Variants in FOXD4L1 observed in about 807,000 individuals in gnomAD.
The protein encoded by FOXD4L1 is forkhead box D4 like 1.
FOXD4L1 carries 10 observed loss-of-function variants against 24.8 expected under a neutral mutation model. The ratio of observed to expected loss-of-function variants is 0.40; its 90% confidence interval spans 0.25 to 0.68. The LOEUF is 0.68. Ranked by LOEUF, FOXD4L1 falls within the 30% of genes least tolerant of loss-of-function variation. FOXD4L1 has a pLI of 0.37. For missense variants in FOXD4L1, 364 were observed against 572.4 expected (o/e 0.64, Z 3.72); for synonymous variants, 159 against 256.4 (o/e 0.62, Z 3.63).
exon 1 of FOXD4L1, chr2:113,499,253 C>G (rs1173208153): frequency 1.2e-6 from 2 of 1,611,670 alleles, no homozygotes; most frequent in Non-Finnish European, 8.5e-7. Flanking sequence ...GCACCTGCTC[C>G]GCCATGAACC....
rs1558990945 is a variant in FOXD4L1, at chr2:113,499,699, T to TC, written c.447dup (p.Ala150ArgfsTer51). On this transcript the variant is annotated frameshift_variant, in exon 1 of 1. Transcript: ENST00000306507. LOFTEE classifies it high-confidence loss of function. Reference sequence around the variant, plus strand: ...CGCTTCCCCTACTACCGCCGCAAGTTCCCCGCCTGGCAGAACAGCATCCGC... The same window carrying TC: ...CGCTTCCCCTACTACCGCCGCAAGTTCCCCCGCCTGGCAGAACAGCATCCGC... 3 of 1,607,364 alleles carry TC rather than the reference T, an allele frequency of 1.9e-6. No individual in the cohort carries two copies. The highest frequency in any genetic ancestry group is 1.4e-5 in the African/African-American group (1 of 73,634).
chr2:113,499,820 G>T (rs1464638168), exon 1 of FOXD4L1: 1 of 1,552,054 alleles, frequency 6.4e-7, no homozygotes, highest in African/African-American at 1.4e-5. Context: ...CCGCCTCCCA[G>T]GACATGTTCG....
At chr2:113,500,538 A>G (rs181212185) in exon 1 of FOXD4L1, 1 of 1,507,020 alleles carries the variant, frequency 6.6e-7, no homozygotes, top group Admixed American at 2.1e-5. Flanking sequence ...CAGTTTTTTT[A>G]GTATCGCCCA....
chr2:113,499,131 ACATCCCAAAGGGTAAC>A, exon 1 of FOXD4L1: 1 of 1,518,430 alleles, frequency 6.6e-7, no homozygotes, highest in South Asian at 1.2e-5. Context: ...GCAGAGGAAA[ACATCCCAAAGGGTAAC>A]CACTAGCGTT....
chr2:113,499,955 C>T (rs1366316997), exon 1 of FOXD4L1: 6 of 1,539,710 alleles, frequency 3.9e-6, no homozygotes, highest in Non-Finnish European at 5.3e-6. Context: ...CCCGCCCAGG[C>T]CCTCTGCTTG....
At chr2:113,499,259 G>A (rs1311720227) in exon 1 of FOXD4L1, 1 of 1,611,070 alleles carries the variant, frequency 6.2e-7, no homozygotes, top group Non-Finnish European at 8.5e-7. Flanking sequence ...GCTCCGCCAT[G>A]AACCTGCCAA....
chr2:113,500,164 G>A lies in FOXD4L1; in HGVS notation c.908G>A (p.Gly303Asp), dbSNP rs199811333. 47 of 1,532,106 alleles carry A rather than the reference G, an allele frequency of 3.1e-5. 10 individuals are homozygous for A. Among genetic ancestry groups the A allele is most frequent in the Non-Finnish European group, 4.0e-5 (46 of 1,138,450 alleles). The allele number at this position is 1,532,106 out of a possible 1,614,324, so 94.9% of individuals were successfully genotyped here. The change falls in exon 1 of 1, where the codon GGT becomes GAT. Residue 303 changes from glycine to aspartate, a missense_variant. By Grantham distance (94) the Gly-to-Asp change is moderately conservative. Transcript: ENST00000306507. ...CTTCCCGTGCTGCAGCCCTCACTTG[G>A]TCCTCAGCCTTGGGAGGAGGGCAAG...
rs146797201 is a variant in FOXD4L1 at position 113,499,425 on chromosome 2, C to G, written c.169C>G (p.Pro57Ala). ...GAAGTTCCTAGAGCAGTCGCTCCAG[C>G]CGGGGCTGCAGGTGGCCCGGTGGGG... The change falls in exon 1 of 1, where the codon CCG (proline) becomes GCG (alanine). Residue 57 changes from proline (P) to alanine (A), a missense_variant. Transcript: ENST00000306507. The G allele has an allele frequency of 1.8e-4, 283 of 1,604,636 alleles. 5 individuals carry two copies. The highest frequency in any genetic ancestry group is 2.3e-4 in the Non-Finnish European group (274 of 1,177,410).
At chr2:113,499,228 T>C in exon 1 of FOXD4L1, 1 of 1,611,572 alleles carries the variant, frequency 6.2e-7, no homozygotes, top group Non-Finnish European at 8.5e-7. Flanking sequence ...GGCCGCCACA[T>C]CCCCTGCGAC....
At chr2:113,499,127 G>A (rs1682387936) in exon 1 of FOXD4L1, 8 of 1,515,274 alleles carry the variant, frequency 5.3e-6, no homozygotes, top group Admixed American at 1.9e-5. Context: ...ACAAGCAGAG[G>A]AAAACATCCC....
exon 1 of FOXD4L1, chr2:113,499,736 G>T: frequency 1.9e-6 from 3 of 1,605,522 alleles, no homozygotes; most frequent in Non-Finnish European, 2.5e-6. Flanking sequence ...ACAACCTCTC[G>T]CTGAACGACT....
In FOXD4L1 at chr2:113,500,383, T is replaced by C. The variant is rs1682421383; in HGVS notation, c.1127T>C (p.Leu376Pro). 3 of 1,519,568 alleles carry C rather than the reference T, an allele frequency of 2.0e-6. 1 individual carries two copies. The East Asian group carries it at 9.1e-5, about 46-fold the overall frequency. The allele number at this position is 1,519,568 out of a possible 1,614,324, so 94.1% of individuals were successfully genotyped here. Residue 376 changes from leucine to proline, a missense_variant, in exon 1 of 1, where the codon CTG (leucine) becomes CCG (proline). By Grantham distance (98) the Leu-to-Pro change is moderately conservative. Transcript: ENST00000306507. ...ACAGCAGCAGCATCAGGAGGAGGAC[T>C]GCGCCAACGGCTGCGCTCCCACCAA...
chr2:113,499,429 G>T lies in FOXD4L1; in HGVS notation c.173G>T (p.Gly58Val), dbSNP rs759536797. 10 of 1,601,980 alleles carry T rather than the reference G, an allele frequency of 6.2e-6. No homozygotes were observed. The South Asian group carries it at 1.0e-4, about 16-fold the overall frequency. ...TTCCTAGAGCAGTCGCTCCAGCCGG[G>T]GCTGCAGGTGGCCCGGTGGGGCGGG... The change falls in exon 1 of 1, where the codon GGG (glycine) becomes GTG (valine). Residue 58 changes from glycine (G) to valine (V), a missense_variant. Coordinates refer to ENST00000306507, the Ensembl canonical transcript of FOXD4L1.
At chr2:113,499,571 G>A (rs972185837) in exon 1 of FOXD4L1, 2 of 1,609,338 alleles carry the variant, frequency 1.2e-6, no homozygotes, top group Admixed American at 1.7e-5. Context: ...CCCGGCAGCC[G>A]GCAAAGCCCC....
Position 113,500,615 on chromosome 2 carries a change from A to T in FOXD4L1, c.*132A>T, listed in dbSNP as rs972095970. 103 of 1,457,890 alleles carry T rather than the reference A, an allele frequency of 7.1e-5. 15 individuals carry two copies. The highest frequency in any genetic ancestry group is 2.5e-4 in the Middle Eastern group (1 of 4,056). 90.3% of individuals were successfully genotyped at this position (1,457,890 alleles called of 1,614,324 possible). On this transcript the variant is annotated 3_prime_UTR_variant, in exon 1 of 1. Transcript: ENST00000306507. The stretch of plus-strand genomic sequence containing the variant: ...CAGGTGGGAGTGGGGAGCGATCCGC[A>T]GCTGCTCACTCCACCTTGCGCGGCC...
chr2:113,500,642 A>G lies in FOXD4L1; in HGVS notation c.*159A>G, dbSNP rs533313512. On this transcript the variant is annotated 3_prime_UTR_variant, in exon 1 of 1. Coordinates refer to ENST00000306507, the Ensembl canonical transcript of FOXD4L1. Reference sequence around the variant, plus strand: ...CTGCTCACTCCACCTTGCGCGGCCCATACTGGGCGTGTGCATCTGAATCCT... The same window carrying G: ...CTGCTCACTCCACCTTGCGCGGCCCGTACTGGGCGTGTGCATCTGAATCCT... 9.1e-5 allele frequency: 130 copies of G among 1,431,642 alleles called. 23 individuals carry two copies. Among genetic ancestry groups the G allele is most frequent in the Non-Finnish European group, 1.2e-4 (127 of 1,081,746 alleles). 88.7% of individuals were successfully genotyped at this position (1,431,642 alleles called of 1,614,324 possible).
At chr2:113,500,019 G>T in exon 1 of FOXD4L1, 2 of 1,584,500 alleles carry the variant, frequency 1.3e-6, no homozygotes, top group Non-Finnish European at 1.7e-6. Context: ...CACCGCCCCC[G>T]GGAGACGCCC....
Position 113,500,277 on chromosome 2 carries a change from G to A in FOXD4L1, c.1021G>A (p.Ala341Thr), listed in dbSNP as rs983921575. The change falls in exon 1 of 1, where the codon GCG (alanine) becomes ACG (threonine). Residue 341 changes from alanine to threonine, a missense_variant. Physicochemically the swap from Ala to Thr is moderately conservative, Grantham distance 58. Transcript: ENST00000306507. Reference sequence around the variant, plus strand: ...GGTCAGGGGAGCGGGTACAGGGGCTGCGCAGAGTTTGTCCCCGACCGCGTG... The same window carrying A: ...GGTCAGGGGAGCGGGTACAGGGGCTACGCAGAGTTTGTCCCCGACCGCGTG... 12 of 1,546,680 alleles carry A rather than the reference G, an allele frequency of 7.8e-6. 1 individual carries two copies. In the African/African-American group the frequency reaches 1.7e-4, roughly 21 times the overall value.
chr2:113,499,060 G>A, exon 1 of FOXD4L1: 2 of 866,992 alleles, frequency 2.3e-6, no homozygotes, highest in Non-Finnish European at 3.5e-6. Flanking sequence ...TGGTCTTGAA[G>A]AAGCTTTTAT....
Sources: gnomAD v4.1 joint callset for allele counts on GRCh38, gnomAD v4.1.1 for gene constraint, MANE v1.5 for transcripts, NCBI Gene and HGNC (gene_info 2026-07-23, HGNC 2026-07-21) for gene names.